The following ERI3 variants were observed in gnomAD, a reference collection of about 807,000 sequenced individuals.
The protein encoded by ERI3 is ERI1 exoribonuclease family member 3, also known as ERI1 exoribonuclease 3.
In ERI3, 18 loss-of-function variants were observed where a neutral mutation model predicts 44.4. That is an observed-to-expected ratio of 0.41 (90% CI 0.28 to 0.60). The LOEUF (loss-of-function observed/expected upper bound fraction) is 0.60. Among genes scored for constraint, ERI3 ranks in the 20% least tolerant of loss-of-function variants. The pLI is 0.36. For synonymous variants in ERI3, 183 were observed against 164.8 expected, an observed-to-expected ratio of 1.11 and a Z score of -0.84; for missense variants, 294 against 435.5, an observed-to-expected ratio of 0.68 and a Z score of 2.89.
At chr1:44,324,511 T>G (rs1020594320) in intron 3 of ERI3, among the ~76,000 whole-genome samples, 4 of 134,410 alleles carry the variant, frequency 3.0e-5, no homozygotes, top group African/African-American at 1.1e-4. Context: ...AGACGGAGTC[T>G]CGCTCTGTCG....
chr1:44,251,468 G>A (rs1644677480), intron 7 of ERI3, among the ~76,000 whole-genome samples: 2 of 152,318 alleles, frequency 1.3e-5, no homozygotes, highest in South Asian at 2.1e-4. Context: ...CAGAGATTCC[G>A]GCTGAGGAGC....
Position 44,317,000 on chromosome 1 carries a change from T to C in ERI3, c.606+2628A>G, listed in dbSNP as rs76187246. 0.013 allele frequency among the ~76,000 whole-genome samples: 2,008 copies of C among 152,282 alleles called. 229 individuals are homozygous for C. In the East Asian group the frequency reaches 0.3, roughly 23 times the overall value. ...AAGAAGGGTACTAACACATTCCTAA[T>C]ATGAAGCAGTAAAAGTAGGAGTCTC... On this transcript the variant is annotated intron_variant, in intron 4 of 8. Coordinates refer to ENST00000372257, the MANE Select transcript of ERI3 (RefSeq NM_024066.3).
intron 3 of ERI3, among the ~76,000 whole-genome samples, chr1:44,332,639 A>G (rs1231676589): frequency 1.3e-5 from 2 of 152,234 alleles, no homozygotes; most frequent in African/African-American, 4.8e-5. Context: ...TTGCTTCTAC[A>G]TTGCTATGTC....
intron 5 of ERI3, among the ~76,000 whole-genome samples, chr1:44,311,636 G>A (rs545580469): frequency 3.9e-5 from 6 of 152,086 alleles, no homozygotes; most frequent in South Asian, 2.1e-4. Flanking sequence ...TCTCCTCCTC[G>A]ACTGGGGCCA....
chr1:44,329,420 T>G (rs186482497), intron 3 of ERI3, among the ~76,000 whole-genome samples: 4 of 152,202 alleles, frequency 2.6e-5, no homozygotes, highest in African/African-American at 7.2e-5. Context: ...CCAGTGAAAG[T>G]AGACCTGATC....
chr1:44,354,576 G>A (rs226066), intron 1 of ERI3: 287,202 of 985,102 alleles, frequency 0.29, 42,532 homozygotes, highest in South Asian at 0.4. Flanking sequence ...CCTGGTGTGT[G>A]GGCATGTGTT....
intron 2 of ERI3, 94 bp from the exon 3 acceptor site, chr1:44,339,416 G>T: frequency 7.5e-7 from 1 of 1,328,240 alleles, no homozygotes; most frequent in Non-Finnish European, 9.9e-7. Flanking sequence ...TCCCACTGTG[G>T]CCCTGTTCCA....
At chr1:44,347,460 G>A (rs773933116) in intron 2 of ERI3, among the ~76,000 whole-genome samples, 1 of 152,092 alleles carries the variant, frequency 6.6e-6, no homozygotes, top group Non-Finnish European at 1.5e-5. Context: ...CAAATGTGAC[G>A]TTTCCTTTTA....
chr1:44,285,759 A>G (rs1645381957), intron 6 of ERI3, among the ~76,000 whole-genome samples: 1 of 152,332 alleles, frequency 6.6e-6, no homozygotes, highest in Non-Finnish European at 1.5e-5. Context: ...CAATGAAAGA[A>G]AGACAAAAAA....
chr1:44,228,191 C>T lies in ERI3; in HGVS notation c.932-6551G>A, dbSNP rs1644091155. ...TCCTACCCCTCCCCCAGACAGGATC[C>T]TTACAGCCTCCACTCCAAAGTGACC... is the stretch of plus-strand genomic sequence containing the variant. On this transcript the variant is annotated intron_variant, in intron 8 of 8. Coordinates refer to ENST00000372257, the MANE Select transcript of ERI3 (RefSeq NM_024066.3). The surrounding 1 kb of genome is among the most constrained non-coding windows in gnomAD (Gnocchi z 4.3). Among the ~76,000 whole-genome samples, 1 of 152,048 alleles carries T rather than the reference C, an allele frequency of 6.6e-6. No homozygotes were observed. The highest frequency in any genetic ancestry group is 2.1e-4 in the South Asian group (1 of 4,810).
intron 1 of ERI3, chr1:44,354,570 G>A (rs1646958743): frequency 1.0e-6 from 1 of 985,258 alleles, no homozygotes; most frequent in African/African-American, 1.7e-5. Flanking sequence ...TGCTAACCTG[G>A]TGTGTGGGCA....
intron 8 of ERI3, among the ~76,000 whole-genome samples, chr1:44,236,463 G>C (rs1481836082): frequency 6.6e-6 from 1 of 152,158 alleles, no homozygotes; most frequent in Admixed American, 6.5e-5. Context: ...CGGGGAAAGG[G>C]GGACTTGATC....
At chr1:44,354,251 T>C (rs1646952165) in intron 1 of ERI3, 4 of 985,446 alleles carry the variant, frequency 4.1e-6, no homozygotes, top group Non-Finnish European at 4.8e-6. Flanking sequence ...GTAAATGCCA[T>C]TGAAGTGGCC....
intron 5 of ERI3, among the ~76,000 whole-genome samples, chr1:44,309,786 A>G (rs1645915266): frequency 6.6e-6 from 1 of 152,010 alleles, no homozygotes; most frequent in African/African-American, 2.4e-5. Flanking sequence ...GATAGTCTCG[A>G]TCTCCTGACC....
At chr1:44,307,800 TAGTATAATAGTTA>T (rs2154327538) in intron 6 of ERI3, among the ~76,000 whole-genome samples, 1 of 152,294 alleles carries the variant, frequency 6.6e-6, no homozygotes, top group South Asian at 2.1e-4. Flanking sequence ...AGGGGCAGCA[TAGTATAATAGTTA>T]AGAGCAAGGA....
chr1:44,256,361 C>T (rs1208555317), intron 7 of ERI3, among the ~76,000 whole-genome samples: 1 of 152,178 alleles, frequency 6.6e-6, no homozygotes, highest in Non-Finnish European at 1.5e-5. Context: ...CTTTTCTGTA[C>T]TCTCAGCCTA....
chr1:44,305,753 G>A (rs2154327315), intron 6 of ERI3, among the ~76,000 whole-genome samples: 1 of 152,352 alleles, frequency 6.6e-6, no homozygotes, highest in Admixed American at 6.5e-5. Context: ...GCTGAGGGGA[G>A]AAGGGGAGGA....
Position 44,352,911 on chromosome 1 carries a change from TG to T in ERI3, c.149del (p.Pro50GlnfsTer19). The T allele has an allele frequency of 1.2e-6, 2 of 1,614,194 alleles. No individual in the cohort carries two copies. Among genetic ancestry groups the T allele is most frequent in the African/African-American group, 2.7e-5 (2 of 75,042 alleles). Reference protein sequence around the residue: ...WGQHPGHWGFPALTEPSASPA... With the variant: ...WGQHPGHWGFXALTEPSASPA... ...GGGATGCTGAAGGTTCTGTGAGAGC[TG>T]GAAAGCCCCAATGCTGTGGATAAAT... On this transcript the variant is annotated frameshift_variant, in exon 2 of 9. Coordinates refer to ENST00000372257, the MANE Select transcript of ERI3 (RefSeq NM_024066.3). LOFTEE classifies it high-confidence loss of function.
At chr1:44,239,031 T>TCC (rs542547479) in intron 8 of ERI3, among the ~76,000 whole-genome samples, 63 of 46,482 alleles carry the variant, frequency 1.4e-3, no homozygotes, top group Non-Finnish European at 2.1e-3. Flanking sequence ...TGCTGCCCCC[T>TCC]CCCCCCCCCA....
Sources: allele counts gnomAD v4.1 joint callset (sites outside exome capture counted in the v4.1 genomes callset), GRCh38; gene constraint gnomAD v4.1.1; non-coding constraint Gnocchi (gnomAD v3.1); transcripts MANE v1.5; gene names NCBI Gene and HGNC (gene_info 2026-07-23, HGNC 2026-07-21).